The following LYPLA2 variants were observed in gnomAD, a reference collection of about 807,000 sequenced individuals.
LYPLA2 encodes lysophospholipase 2.
Under a neutral mutation model 30.3 loss-of-function variants are expected in LYPLA2, and 7 were observed. That is an observed-to-expected ratio of 0.23 (90% CI 0.13 to 0.43). The LOEUF is 0.43. Among genes scored for constraint, LYPLA2 ranks in the 20% least tolerant of loss-of-function variants. The pLI is 1.00. For synonymous variants in LYPLA2, 112 were observed against 118.2 expected (o/e 0.95, Z 0.34); for missense variants, 206 against 307.9 (o/e 0.67, Z 2.48).
At position 23,793,054 on chromosome 1, in the gene LYPLA2, A is replaced by AG. The variant is rs777462448; in HGVS notation, c.110+19dup. ...GGAGACACAGGGTAAGTGACTGAGG[A>AG]GGGGTGCTCCTTAAGGAGGGGTCCT... On this transcript the variant is annotated intron_variant, in intron 3 of 9. Coordinates refer to ENST00000374514, the MANE Select transcript of LYPLA2 (RefSeq NM_007260.3). The surrounding 1 kb of genome is among the most constrained non-coding windows in gnomAD (Gnocchi z 6.0). 3.9e-5 allele frequency: 63 copies of AG among 1,613,408 alleles called. No homozygotes were observed. The African/African-American group carries it at 8.1e-4, about 21-fold the overall frequency.
In LYPLA2 at chr1:23,794,750, T is replaced by C; in HGVS notation, c.*18T>C. On this transcript the variant is annotated 3_prime_UTR_variant, in exon 10 of 10. Coordinates refer to ENST00000374514, the MANE Select transcript of LYPLA2 (RefSeq NM_007260.3). The surrounding 1 kb of genome is among the most constrained non-coding windows in gnomAD (Gnocchi z 5.9). ...CTGTCTAACTAGTCGCTGGCCCCAG[T>C]GCAGTACCCCAGCTCATGGGGGACT... 1 of 1,613,948 alleles carries C rather than the reference T, an allele frequency of 6.2e-7. No individual in the cohort carries two copies. Among genetic ancestry groups the C allele is most frequent in the Non-Finnish European group, 8.5e-7 (1 of 1,179,874 alleles).
In LYPLA2 at chr1:23,795,206, G is replaced by A; in HGVS notation, c.*474G>A. On this transcript the variant is annotated 3_prime_UTR_variant, in exon 10 of 10. Transcript: ENST00000374514. The stretch of plus-strand genomic sequence containing the variant: ...GTCATGAATGTGGCCATGGCCCCGG[G>A]GTCCCCTTGCTGCTGTGGGCTCCCT... The A allele has an allele frequency of 3.4e-6, 1 of 296,540 alleles. No homozygotes were observed. Among genetic ancestry groups the A allele is most frequent in the Non-Finnish European group, 6.7e-6 (1 of 149,342 alleles). 18.4% of individuals were successfully genotyped at this position (296,540 alleles called of 1,614,324 possible).
chr1:23,792,894 CTGTT>C lies in LYPLA2; in HGVS notation c.79-111_79-108del, dbSNP rs1334603048. 3.3e-5 allele frequency: 44 copies of C among 1,319,136 alleles called. No homozygotes were observed. In the African/African-American group the frequency reaches 5.2e-4, roughly 16 times the overall value. The allele number at this position is 1,319,136 out of a possible 1,614,324, so 81.7% of individuals were successfully genotyped here. On this transcript the variant is annotated intron_variant, in intron 2 of 9. Coordinates refer to ENST00000374514, the MANE Select transcript of LYPLA2 (RefSeq NM_007260.3). ...AGGCCAGCAGGCTCGGGGTAGTAAC[CTGTT>C]TGGCTGCTACCTGGGTTCCCCCAGG...
rs766497579 is a variant in LYPLA2 at position 23,793,657 on chromosome 1, T to C, written c.177-48T>C. ...CCACTCCGGGCTCTGAGCTCTGGCC[T>C]CCTCATTCCTCCTGAGCATGATGGG... On this transcript the variant is annotated intron_variant, in intron 4 of 9. Coordinates refer to ENST00000374514, the MANE Select transcript of LYPLA2 (RefSeq NM_007260.3). The surrounding 1 kb of genome is among the most constrained non-coding windows in gnomAD (Gnocchi z 6.0). 1 of 1,593,026 alleles carries C rather than the reference T, an allele frequency of 6.3e-7. No individual in the cohort carries two copies. The highest frequency in any genetic ancestry group is 8.6e-7 in the Non-Finnish European group (1 of 1,160,864).
chr1:23,792,483 C>G (rs1638815863), intron 1 of LYPLA2, 174 bp from the exon 2 acceptor site: 1 of 588,508 alleles, frequency 1.7e-6, no homozygotes, highest in East Asian at 2.9e-5. Flanking sequence ...TGCCTTTCAG[C>G]CCTGGAACTG....
chr1:23,792,532 T>C, intron 1 of LYPLA2, 125 bp from the exon 2 acceptor site: 1 of 649,228 alleles, frequency 1.5e-6, no homozygotes. Context: ...ACTTCTTGCT[T>C]GACTATTCTT....
At position 23,793,755 on chromosome 1, in the gene LYPLA2, G is replaced by C. The variant is rs1472593205; in HGVS notation, c.224+3G>C. The C allele has an allele frequency of 1.2e-6, 2 of 1,613,952 alleles. No individual in the cohort carries two copies. The highest frequency in any genetic ancestry group is 1.7e-5 in the Admixed American group (1 of 59,998). On this transcript the variant is annotated splice_donor_region_variant and intron_variant, in intron 5 of 9. Coordinates refer to ENST00000374514, the MANE Select transcript of LYPLA2 (RefSeq NM_007260.3). This position sits in a 1 kb window ranked among gnomAD's most constrained non-coding sequence, Gnocchi z 6.0. The stretch of plus-strand genomic sequence containing the variant: ...ATGAAGATGGTGATGCCCTCCTGGT[G>C]AGTTTGGGAGTGGGGGTGGGCAGGG...
chr1:23,792,197 T>G, intron 1 of LYPLA2, among the ~76,000 whole-genome samples: 1 of 151,264 alleles, frequency 6.6e-6, no homozygotes, highest in African/African-American at 2.4e-5. Flanking sequence ...CGGCACTGAG[T>G]AGGGGATGGA....
intron 2 of LYPLA2, 71 bp from the exon 3 acceptor site, chr1:23,792,937 G>C: frequency 6.5e-7 from 1 of 1,541,014 alleles, no homozygotes; most frequent in Non-Finnish European, 8.9e-7. Context: ...TTGGGGGTGG[G>C]GGAGGGGTGG....
Position 23,794,807 on chromosome 1 carries a change from G to C in LYPLA2, c.*75G>C. On this transcript the variant is annotated 3_prime_UTR_variant, in exon 10 of 10. Transcript: ENST00000374514. This position sits in a 1 kb window ranked among gnomAD's most constrained non-coding sequence, Gnocchi z 5.9. ...GCAAGCGTGGCACCATCTTGGATCT[G>C]AGCCGGTCGAGCCCCTGTCCCCACC... 3 of 1,522,212 alleles carry C rather than the reference G, an allele frequency of 2.0e-6. No homozygotes were observed. The highest frequency in any genetic ancestry group is 2.7e-6 in the Non-Finnish European group (3 of 1,107,354). 94.3% of individuals were successfully genotyped at this position (1,522,212 alleles called of 1,614,324 possible).
rs767395211 is a variant in LYPLA2, at chr1:23,794,647, A to G, written c.646-35A>G. ...CACTCCCACTTCTCTGCCTCCAGCC[A>G]GGTGCCTCTCGTGATCCCCTCTTAA... On this transcript the variant is annotated intron_variant, in intron 9 of 9. Coordinates refer to ENST00000374514, the MANE Select transcript of LYPLA2 (RefSeq NM_007260.3). The surrounding 1 kb of genome is among the most constrained non-coding windows in gnomAD (Gnocchi z 5.9). 3 of 1,614,166 alleles carry G rather than the reference A, an allele frequency of 1.9e-6. No individual in the cohort carries two copies. Among genetic ancestry groups the G allele is most frequent in the Admixed American group, 1.7e-5 (1 of 60,026 alleles).
At position 23,794,450 on chromosome 1, in the gene LYPLA2, C is replaced by T. The variant is rs1638882158; in HGVS notation, c.495C>T (p.Asp165=). ...FPQAANGSAK[D]LAILQCHGEL... Reference sequence around the variant, plus strand: ...AGGCAGCTAATGGCAGTGCCAAGGACCTGGCCATACTCCAGTGCCATGGGG... The same window carrying T: ...AGGCAGCTAATGGCAGTGCCAAGGATCTGGCCATACTCCAGTGCCATGGGG... The change falls in exon 9 of 10, where the codon GAC becomes GAT. Residue 165 remains aspartate, a synonymous_variant. Transcript: ENST00000374514. This position sits in a 1 kb window ranked among gnomAD's most constrained non-coding sequence, Gnocchi z 5.9. The T allele has an allele frequency of 6.2e-7, 1 of 1,613,940 alleles. No individual in the cohort carries two copies. The highest frequency in any genetic ancestry group is 1.3e-5 in the African/African-American group (1 of 74,902).
At position 23,794,238 on chromosome 1, in the gene LYPLA2, C is replaced by G. The variant is rs760177439; in HGVS notation, c.384C>G (p.Ser128=). ...LGGFSQGGAL[S]LYTALTCPHP... The stretch of plus-strand genomic sequence containing the variant: ...CCTCCCTCCAGGGCGGGGCCCTGTC[C>G]CTCTACACGGCCCTCACCTGCCCCC... Residue 128 remains serine, a synonymous_variant, in exon 8 of 10, where the codon TCC becomes TCG. Transcript: ENST00000374514. The surrounding 1 kb of genome is among the most constrained non-coding windows in gnomAD (Gnocchi z 5.9). The G allele has an allele frequency of 1.2e-6, 2 of 1,610,808 alleles. No homozygotes were observed. Among genetic ancestry groups the G allele is most frequent in the African/African-American group, 2.7e-5 (2 of 74,842 alleles).
Position 23,792,995 on chromosome 1 carries a change from C to T in LYPLA2, c.79-13C>T. The T allele has an allele frequency of 3.1e-6, 5 of 1,611,262 alleles. No individual in the cohort carries two copies. Among genetic ancestry groups the T allele is most frequent in the Non-Finnish European group, 4.2e-6 (5 of 1,178,376 alleles). Reference sequence around the variant, plus strand: ...GAAGCCTTCCTGTCTCCCCATTTCCCATCCTTTTCCAGGTTATTTTTTTAC... The same window carrying T: ...GAAGCCTTCCTGTCTCCCCATTTCCTATCCTTTTCCAGGTTATTTTTTTAC... On this transcript the variant is annotated splice_polypyrimidine_tract_variant and intron_variant, in intron 2 of 9. Coordinates refer to ENST00000374514, the MANE Select transcript of LYPLA2 (RefSeq NM_007260.3).
In LYPLA2 at chr1:23,793,577, A is replaced by G; in HGVS notation, c.177-128A>G. On this transcript the variant is annotated intron_variant, in intron 4 of 9. Coordinates refer to ENST00000374514, the MANE Select transcript of LYPLA2 (RefSeq NM_007260.3). The surrounding 1 kb of genome is among the most constrained non-coding windows in gnomAD (Gnocchi z 6.0). ...GCCCCACGTGGCAGGTTGCCTGGCA[A>G]CACCTTAAACACAGGCCCTGCCTGC... The G allele has an allele frequency of 3.1e-6, 3 of 953,716 alleles. No homozygotes were observed. The highest frequency in any genetic ancestry group is 5.0e-6 in the Non-Finnish European group (3 of 596,916). The allele number at this position is 953,716 out of a possible 1,614,324, so 59.1% of individuals were successfully genotyped here.
At position 23,794,791 on chromosome 1, in the gene LYPLA2, G is replaced by A. The variant is rs1638894907; in HGVS notation, c.*59G>A. The A allele has an allele frequency of 8.2e-6, 13 of 1,591,894 alleles. No individual in the cohort carries two copies. The highest frequency in any genetic ancestry group is 1.1e-5 in the Non-Finnish European group (13 of 1,162,130). On this transcript the variant is annotated 3_prime_UTR_variant, in exon 10 of 10. Transcript: ENST00000374514. This position sits in a 1 kb window ranked among gnomAD's most constrained non-coding sequence, Gnocchi z 5.9. ...ATGGGGGACTCAGCAAGCAAGCGTG[G>A]CACCATCTTGGATCTGAGCCGGTCG...
chr1:23,793,684 C>G lies in LYPLA2; in HGVS notation c.177-21C>G, dbSNP rs186645190. On this transcript the variant is annotated intron_variant, in intron 4 of 9. Transcript: ENST00000374514. The surrounding 1 kb of genome is among the most constrained non-coding windows in gnomAD (Gnocchi z 6.0). ...CTCATTCCTCCTGAGCATGATGGGC[C>G]CTCTGGCTCTCTTTCCCCAGGCCTA... 2,943 of 1,613,546 alleles carry G rather than the reference C, an allele frequency of 1.8e-3. 3 individuals carry two copies. Among genetic ancestry groups the G allele is most frequent in the Non-Finnish European group, 2.2e-3 (2,618 of 1,179,482 alleles).
chr1:23,795,213 T>G lies in LYPLA2; in HGVS notation c.*481T>G. The G allele has an allele frequency of 3.4e-6, 1 of 291,262 alleles. No individual in the cohort carries two copies. The highest frequency in any genetic ancestry group is 9.4e-5 in the East Asian group (1 of 10,634). 18.0% of individuals were successfully genotyped at this position (291,262 alleles called of 1,614,324 possible). On this transcript the variant is annotated 3_prime_UTR_variant, in exon 10 of 10. Transcript: ENST00000374514. The stretch of plus-strand genomic sequence containing the variant: ...ATGTGGCCATGGCCCCGGGGTCCCC[T>G]TGCTGCTGTGGGCTCCCTGTCCCTG...
In LYPLA2 at chr1:23,794,531, G is replaced by T. The variant is rs754858438; in HGVS notation, c.576G>T (p.Arg192=). 4.3e-6 allele frequency: 7 copies of T among 1,614,102 alleles called. No individual in the cohort carries two copies. In the East Asian group the frequency reaches 1.6e-4, roughly 36 times the overall value. Reference sequence around the variant, plus strand: ...GGGCCCTGACGGCTGAGAAGCTCCGGTCTGTTGTCACACCTGCCAGGGTCC... The same window carrying T: ...GGGCCCTGACGGCTGAGAAGCTCCGTTCTGTTGTCACACCTGCCAGGGTCC... The part of the protein sequence containing the change: ...RFGALTAEKL[R]SVVTPARVQF... Residue 192 remains arginine, a synonymous_variant, in exon 9 of 10, where the codon CGG becomes CGT. Coordinates refer to ENST00000374514, the MANE Select transcript of LYPLA2 (RefSeq NM_007260.3). This position sits in a 1 kb window ranked among gnomAD's most constrained non-coding sequence, Gnocchi z 5.9.
Sources: allele counts gnomAD v4.1 joint callset (sites outside exome capture counted in the v4.1 genomes callset), GRCh38; gene constraint gnomAD v4.1.1; non-coding constraint Gnocchi (gnomAD v3.1); transcripts MANE v1.5; gene names NCBI Gene and HGNC (gene_info 2026-07-23, HGNC 2026-07-21).